Variants in THSD4 observed in about 807,000 individuals in gnomAD.
The protein encoded by THSD4 is thrombospondin type-1 domain-containing protein 4.
THSD4 carries 69 observed loss-of-function variants against 119.0 expected under a neutral mutation model. The ratio of observed to expected loss-of-function variants is 0.58; its 90% CI spans 0.48 to 0.71. THSD4 has a LOEUF of 0.71. Among genes scored for constraint, THSD4 ranks in the 30% least tolerant of loss-of-function variants. THSD4 has a pLI of 0.00. For missense variants in THSD4, 1,393 were observed against 1,391.1 expected, an observed-to-expected ratio of 1.00 and a Z score of -0.02; for synonymous variants, 524 against 540.4, an observed-to-expected ratio of 0.97 and a Z score of 0.42.
At chr15:71,759,903 CA>C (rs1379276409) in intron 15 of THSD4, among the ~76,000 whole-genome samples, 1 of 152,020 alleles carries the variant, frequency 6.6e-6, no homozygotes, top group Non-Finnish European at 1.5e-5. Context: ...CCAAAAGGGT[CA>C]AGATACAATT....
intron 5 of THSD4, among the ~76,000 whole-genome samples, chr15:71,249,120 C>T (rs893231043): frequency 6.6e-6 from 1 of 152,138 alleles, no homozygotes; most frequent in Non-Finnish European, 1.5e-5. Flanking sequence ...TATATACACA[C>T]ACACACGTAT....
At chr15:71,373,968 C>T (rs1049792753) in intron 6 of THSD4, among the ~76,000 whole-genome samples, 2 of 152,180 alleles carry the variant, frequency 1.3e-5, no homozygotes, top group Non-Finnish European at 2.9e-5. Flanking sequence ...CTAGGACAAC[C>T]CTTCCCTCAG....
At position 71,636,823 on chromosome 15, in the gene THSD4, C is replaced by T. The variant is rs184922164; in HGVS notation, c.1153-23707C>T. Among the ~76,000 whole-genome samples the T allele has an allele frequency of 7.2e-5, 11 of 152,238 alleles. No homozygotes were observed. In the East Asian group the frequency reaches 1.5e-3, roughly 21 times the overall value. The stretch of plus-strand genomic sequence containing the variant: ...CATGACTGAAAAACAGGAGGACCTG[C>T]GAGGCATGTGAGAAATCTACAGGCT... On this transcript the variant is annotated intron_variant, in intron 7 of 17. Coordinates refer to ENST00000261862, the MANE Select transcript of THSD4 (RefSeq NM_024817.3).
intron 1 of THSD4, among the ~76,000 whole-genome samples, chr15:71,130,019 C>T (rs1467825183): frequency 1.3e-5 from 2 of 152,082 alleles, no homozygotes; most frequent in African/African-American, 2.4e-5. Context: ...GACTCAAGGG[C>T]GGAGCTGTTC....
intron 7 of THSD4, among the ~76,000 whole-genome samples, chr15:71,587,767 G>A (rs2049702886): frequency 2.2e-5 from 1 of 45,272 alleles, no homozygotes; most frequent in Non-Finnish European, 5.2e-5. Flanking sequence ...AAAACTTAGA[G>A]TATAATAAAA....
intron 8 of THSD4, among the ~76,000 whole-genome samples, chr15:71,667,715 C>T (rs904539872): frequency 2.0e-5 from 3 of 152,174 alleles, no homozygotes; most frequent in African/African-American, 7.2e-5. Flanking sequence ...GTCTTACATT[C>T]GTATGACTAT....
rs1280262479 is a variant in THSD4 at position 71,780,416 on chromosome 15, G to C, written c.*3042G>C. ...ATTGAAAAAGGAAATTGTGCCTCTT[G>C]CAGCCTAGGCAAAGGACATTTAGTA... On this transcript the variant is annotated 3_prime_UTR_variant, in exon 18 of 18. Coordinates refer to ENST00000261862, the MANE Select transcript of THSD4 (RefSeq NM_024817.3). 1 of 177,824 alleles carries C rather than the reference G, an allele frequency of 5.6e-6. No homozygotes were observed. The highest frequency in any genetic ancestry group is 1.2e-5 in the Non-Finnish European group (1 of 81,310). The allele number at this position is 177,824 out of a possible 1,614,324, so 11.0% of individuals were successfully genotyped here.
chr15:71,547,797 CA>C (rs1158015997), intron 7 of THSD4: 3 of 208,662 alleles, frequency 1.4e-5, no homozygotes, highest in Non-Finnish European at 2.8e-5. Context: ...AAAGATGTGC[CA>C]TGTCAGATTT....
In THSD4 at chr15:71,249,507, C is replaced by CAT. The variant is rs552976625; in HGVS notation, c.912+6421_912+6422dup. ...TAGAAAGTTGTTCTCTTATTGACTT[C>CAT]ATATATATATACACACACACATTTA... On this transcript the variant is annotated intron_variant, in intron 5 of 17. Transcript: ENST00000261862. Among the ~76,000 whole-genome samples the CAT allele has an allele frequency of 7.8e-3, 1,073 of 137,296 alleles. 23 individuals are homozygous for CAT. Among genetic ancestry groups the CAT allele is most frequent in the African/African-American group, 0.013 (475 of 35,648 alleles). 90.1% of individuals were successfully genotyped at this position (137,296 alleles called of 152,430 possible).
At chr15:71,384,727 T>G (rs1401517148) in intron 6 of THSD4, among the ~76,000 whole-genome samples, 1 of 152,228 alleles carries the variant, frequency 6.6e-6, no homozygotes, top group Non-Finnish European at 1.5e-5. Flanking sequence ...TAAAGTGCAG[T>G]GCCGTTCATT....
At chr15:71,452,092 G>T (rs2047273063) in intron 7 of THSD4, among the ~76,000 whole-genome samples, 1 of 152,096 alleles carries the variant, frequency 6.6e-6, no homozygotes, top group African/African-American at 2.4e-5. Flanking sequence ...AGGCTCCCCT[G>T]CATCCCTGCC....
chr15:71,541,698 A>T (rs559932511), intron 7 of THSD4, among the ~76,000 whole-genome samples: 1 of 152,176 alleles, frequency 6.6e-6, no homozygotes, highest in Non-Finnish European at 1.5e-5. Context: ...ATTAGTCTCT[A>T]TTGATGGGCA....
Position 71,777,343 on chromosome 15 carries a change from A to G in THSD4, c.3026A>G (p.Asn1009Ser). ...TGTGCCTCCTGCACCCGTGTGGCCA[A>G]CAGGCAGACGGGCTTCCTGGGGAGC... ...ACCASCTRVA[N>S]RQTGFLGSR The change falls in exon 18 of 18, where the codon AAC becomes AGC. Residue 1009 changes from asparagine to serine, a missense_variant. Asn to Ser is a conservative substitution (Grantham distance 46). Coordinates refer to ENST00000261862, the MANE Select transcript of THSD4 (RefSeq NM_024817.3). 1.2e-6 allele frequency: 2 copies of G among 1,614,184 alleles called. No homozygotes were observed. Among genetic ancestry groups the G allele is most frequent in the East Asian group, 2.2e-5 (1 of 44,872 alleles).
At chr15:71,281,047 C>T (rs758112843) in intron 6 of THSD4, among the ~76,000 whole-genome samples, 10 of 152,192 alleles carry the variant, frequency 6.6e-5, no homozygotes, top group Non-Finnish European at 1.2e-4. Flanking sequence ...TCTATAGATA[C>T]GCCCCATGTC....
chr15:71,611,006 G>C (rs184298826), intron 7 of THSD4, among the ~76,000 whole-genome samples: 1 of 152,282 alleles, frequency 6.6e-6, no homozygotes, highest in East Asian at 1.9e-4. Context: ...AGATTGCATG[G>C]ATAAACAACG....
intron 7 of THSD4, among the ~76,000 whole-genome samples, chr15:71,456,875 A>G (rs2047347494): frequency 6.6e-6 from 1 of 152,142 alleles, no homozygotes; most frequent in Non-Finnish European, 1.5e-5. Context: ...TGATTAAATG[A>G]GGGTTCTGGG....
chr15:71,563,866 C>G (rs1220332743), intron 7 of THSD4, among the ~76,000 whole-genome samples: 2 of 152,154 alleles, frequency 1.3e-5, no homozygotes, highest in Admixed American at 1.3e-4. Context: ...TATTGAGGCC[C>G]TAACATGCCC....
intron 12 of THSD4, among the ~76,000 whole-genome samples, chr15:71,746,381 A>ACTTTTT (rs531237998): frequency 7.2e-5 from 11 of 152,058 alleles, no homozygotes; most frequent in East Asian, 3.9e-4. Flanking sequence ...CCTTAGGCAG[A>ACTTTTT]CTTTTTCTTT....
At chr15:71,703,416 A>G (rs868349407) in intron 8 of THSD4, among the ~76,000 whole-genome samples, 1 of 152,254 alleles carries the variant, frequency 6.6e-6, no homozygotes, top group African/African-American at 2.4e-5. Flanking sequence ...GGGAGATTTA[A>G]CATATTTCCA....
Sources: gnomAD v4.1 joint callset for allele counts (sites outside exome capture counted in the v4.1 genomes callset) on GRCh38, gnomAD v4.1.1 for gene constraint, MANE v1.5 for transcripts, NCBI Gene and HGNC (gene_info 2026-07-23, HGNC 2026-07-21) for gene names.